NUP58: variants seen among roughly 807,000 people sequenced by gnomAD.
NUP58 encodes nucleoporin 58, also known as nucleoporin p58/p45.
Under a neutral mutation model 70.1 loss-of-function variants are expected in NUP58, and 17 were observed. The observed-to-expected ratio is 0.24, with a 90% CI of 0.17 to 0.36. The LOEUF (loss-of-function observed/expected upper bound fraction) is 0.36. NUP58 is among the 10% of genes least tolerant of loss of function. The pLI, the probability that NUP58 is intolerant of heterozygous loss-of-function variation, is 1.00. For missense variants in NUP58, 644 were observed against 701.5 expected (o/e 0.92, Z 0.93); for synonymous variants, 275 against 257.6 (o/e 1.07, Z -0.65).
rs768253248 is a variant in NUP58, at chr13:25,325,006, A to C, written c.969A>C (p.Glu323Asp). Residue 323 changes from glutamate to aspartate, a missense_variant, in exon 10 of 16, where the codon GAA (glutamate) becomes GAC (aspartate). Around this residue, in one of 4 missense-constraint regions of NUP58, gnomAD observed 430 missense variants for 409.2 expected, o/e 1.05. Transcript: ENST00000381736. The stretch of plus-strand genomic sequence containing the variant: ...TATATTAGGAGTTGAAGAATGCTGA[A>C]ATAGCTTTAAGAACCCAGAAGACAC... ...IETAQELKNA[E>D]IALRTQKTPP... The C allele has an allele frequency of 6.2e-7, 1 of 1,606,576 alleles. No homozygotes were observed. Among genetic ancestry groups the C allele is most frequent in the Non-Finnish European group, 8.5e-7 (1 of 1,176,656 alleles).
intron 3 of NUP58, among the ~76,000 whole-genome samples, chr13:25,312,177 A>G (rs2030702137): frequency 6.6e-6 from 1 of 152,162 alleles, no homozygotes; most frequent in South Asian, 2.1e-4. Context: ...GAAAAGGAAT[A>G]GGGAGACAGC....
chr13:25,332,126 G>C, intron 13 of NUP58: 1 of 989,820 alleles, frequency 1.0e-6, no homozygotes, highest in Non-Finnish European at 1.2e-6. Context: ...GATGATACAT[G>C]CTAGAATTGT....
intron 13 of NUP58, chr13:25,336,158 T>A (rs1186686604): frequency 7.4e-7 from 1 of 1,342,668 alleles, no homozygotes; most frequent in Non-Finnish European, 9.9e-7. Flanking sequence ...ATGTATTGAA[T>A]CTGTCAAGGT....
At chr13:25,308,197 T>C (rs1460359291) in intron 2 of NUP58, 2 of 328,198 alleles carry the variant, frequency 6.1e-6, no homozygotes, top group East Asian at 5.0e-5. Flanking sequence ...GATTATATAA[T>C]GTAGTGTTTT....
intron 10 of NUP58, among the ~76,000 whole-genome samples, chr13:25,325,507 A>G (rs569402892): frequency 6.6e-6 from 1 of 152,346 alleles, no homozygotes; most frequent in East Asian, 1.9e-4. Context: ...CATGTAAAAT[A>G]TATCTTGCCT....
intron 10 of NUP58, 58 bp from the exon 11 acceptor site, chr13:25,326,858 G>T (rs991760467): frequency 7.6e-6 from 7 of 916,314 alleles, no homozygotes; most frequent in Non-Finnish European, 1.2e-5. Flanking sequence ...CCTTAATTTG[G>T]ATTTGTCACT....
chr13:25,316,481 A>AT (rs2030936614), intron 6 of NUP58, among the ~76,000 whole-genome samples: 1 of 152,190 alleles, frequency 6.6e-6, no homozygotes, highest in Admixed American at 6.5e-5. Flanking sequence ...AGGTTTTATT[A>AT]TAAGGAGATA....
Position 25,309,425 on chromosome 13 carries a change from C to T in NUP58, c.286+143C>T, listed in dbSNP as rs115469842. On this transcript the variant is annotated intron_variant, in intron 3 of 15. Transcript: ENST00000381736. Reference sequence around the variant, plus strand: ...GTGTGTATCACAGATGGTGACTTATCGGAGAACCTTTCAGTATTTGAGTAG... The same window carrying T: ...GTGTGTATCACAGATGGTGACTTATTGGAGAACCTTTCAGTATTTGAGTAG... 1,045 of 599,276 alleles carry T rather than the reference C, an allele frequency of 1.7e-3. 4 individuals are homozygous for T. Among genetic ancestry groups the T allele is most frequent in the African/African-American group, 0.017 (889 of 52,390 alleles). 37.1% of individuals were successfully genotyped at this position (599,276 alleles called of 1,614,324 possible).
chr13:25,321,173 GTTTGTT>G, intron 9 of NUP58, 80 bp downstream of exon 9: 1 of 1,272,084 alleles, frequency 7.9e-7, no homozygotes. Flanking sequence ...GTTTTGTTTT[GTTTGTT>G]TTTAATTATG....
chr13:25,310,606 G>A lies in NUP58; in HGVS notation c.286+1324G>A, dbSNP rs184050834. On this transcript the variant is annotated intron_variant, in intron 3 of 15. Coordinates refer to ENST00000381736, the MANE Select transcript of NUP58 (RefSeq NM_014089.4). ...ATGGACTCCTAGCCTCAAGCCACGT[G>A]CCCTCTTTGGCCTCCCAAAGTGCTG... Among the ~76,000 whole-genome samples, 533 of 138,310 alleles carry A rather than the reference G, an allele frequency of 3.9e-3. 7 individuals carry two copies. The highest frequency in any genetic ancestry group is 0.014 in the African/African-American group (511 of 37,074). The allele number at this position is 138,310 out of a possible 152,430, so 90.7% of individuals were successfully genotyped here.
chr13:25,311,528 AC>A (rs1256353824), intron 3 of NUP58, among the ~76,000 whole-genome samples: 1 of 152,082 alleles, frequency 6.6e-6, no homozygotes, highest in African/African-American at 2.4e-5. Flanking sequence ...GGCATGCGCC[AC>A]CACGCCCAGC....
In NUP58 at chr13:25,301,750, G is replaced by C. The variant is rs758733934; in HGVS notation, c.-24G>C. 3.9e-6 allele frequency: 6 copies of C among 1,523,794 alleles called. No individual in the cohort carries two copies. In the South Asian group the frequency reaches 6.9e-5, roughly 18 times the overall value. 94.4% of individuals were successfully genotyped at this position (1,523,794 alleles called of 1,614,324 possible). ...TGTCCCAGACCCATTTCGCCTTGCT[G>C]ACGGCGTCGAGCCCTGGCCAGACAT... On this transcript the variant is annotated 5_prime_UTR_variant, in exon 1 of 16. Coordinates refer to ENST00000381736, the MANE Select transcript of NUP58 (RefSeq NM_014089.4).
At chr13:25,336,259 A>G (rs577476567) in intron 13 of NUP58, 1 of 1,366,294 alleles carries the variant, frequency 7.3e-7, no homozygotes, top group Non-Finnish European at 9.8e-7. Context: ...GAACTCAATT[A>G]TCACTTTTTG....
At chr13:25,343,860 T>TAC (rs1016327956), downstream of NUP58, among the ~76,000 whole-genome samples, 4 of 134,392 alleles carry the variant, frequency 3.0e-5, no homozygotes, top group African/African-American at 8.5e-5. Context: ...CACACATACA[T>TAC]ACACACACAC....
chr13:25,336,441 CATG>C, intron 13 of NUP58: 1 of 458,560 alleles, frequency 2.2e-6, no homozygotes, highest in Non-Finnish European at 3.6e-6. Flanking sequence ...TATGAAATAA[CATG>C]ATAGTTTTGC....
intron 5 of NUP58, 42 bp from the exon 6 acceptor site, chr13:25,315,315 G>T (rs1380677453): frequency 1.4e-6 from 2 of 1,387,986 alleles, no homozygotes; most frequent in Non-Finnish European, 2.0e-6. Context: ...GGAAATTGTT[G>T]TAGTCTTTTG....
intron 13 of NUP58, chr13:25,333,573 T>C: frequency 1.0e-6 from 1 of 985,376 alleles, no homozygotes; most frequent in Non-Finnish European, 1.2e-6. Context: ...GTGATAACAA[T>C]TTTACATTAT....
downstream of NUP58, among the ~76,000 whole-genome samples, chr13:25,345,440 G>A (rs1357805247): frequency 6.6e-6 from 1 of 152,150 alleles, no homozygotes; most frequent in Non-Finnish European, 1.5e-5. Flanking sequence ...TAAAAGGAGA[G>A]GGAATACTAT....
chr13:25,336,407 C>A, intron 13 of NUP58: 1 of 676,700 alleles, frequency 1.5e-6, no homozygotes, highest in Non-Finnish European at 2.2e-6. Flanking sequence ...AGAAATCATG[C>A]CTAGTTTTTT....
Sources: gnomAD v4.1 joint callset for allele counts (sites outside exome capture counted in the v4.1 genomes callset) on GRCh38, gnomAD v4.1.1 for gene constraint, gnomAD v4.1.1 regional missense constraint, MANE v1.5 for transcripts, NCBI Gene and HGNC (gene_info 2026-07-23, HGNC 2026-07-21) for gene names.